Variants in GIGYF2 observed in about 807,000 individuals in gnomAD.
The protein encoded by GIGYF2 is GRB10 interacting GYF protein 2.
A neutral mutation model predicts 208.1 loss-of-function variants in GIGYF2; 25 were observed. The observed-to-expected ratio is 0.12, with a 90% confidence interval of 0.09 to 0.17. GIGYF2 has a LOEUF of 0.17. GIGYF2 is among the 10% of genes least tolerant of loss of function. The pLI, the probability that GIGYF2 is intolerant of heterozygous loss-of-function variation, is 1.00. For synonymous variants in GIGYF2, 534 were observed against 543.8 expected (o/e 0.98, Z 0.25); for missense variants, 1,302 against 1,579.4 (o/e 0.82, Z 2.98).
At chr2:232,756,129 T>G in intron 5 of GIGYF2, 94 bp from the exon 6 acceptor site, 1 of 712,792 alleles carries the variant, frequency 1.4e-6, no homozygotes, top group Non-Finnish European at 2.4e-6. Context: ...GCAGTAGGAA[T>G]GTGGGGAGAA....
chr2:232,811,465 CA>C (rs2106385256), intron 17 of GIGYF2, 114 bp downstream of exon 17: 1 of 727,494 alleles, frequency 1.4e-6, no homozygotes, highest in Non-Finnish European at 2.5e-6. Flanking sequence ...ACTCCCAACA[CA>C]TACCTGCATG....
chr2:232,782,147 T>C (rs1699740697), intron 8 of GIGYF2, among the ~76,000 whole-genome samples: 2 of 152,198 alleles, frequency 1.3e-5, no homozygotes, highest in Non-Finnish European at 2.9e-5. Flanking sequence ...TAATGGTTGC[T>C]AGATGTTTGA....
chr2:232,826,159 A>G (rs774791088), intron 21 of GIGYF2, among the ~76,000 whole-genome samples: 2 of 152,230 alleles, frequency 1.3e-5, no homozygotes. Context: ...GTGGCCGAAT[A>G]AACATGTGTG....
intron 27 of GIGYF2, among the ~76,000 whole-genome samples, chr2:232,849,865 C>G (rs894556325): frequency 2.6e-5 from 4 of 152,148 alleles, no homozygotes; most frequent in Non-Finnish European, 5.9e-5. Context: ...CCTCTCTGTC[C>G]TGGGGCCCAG....
chr2:232,841,136 T>G (rs1186082227), intron 23 of GIGYF2, among the ~76,000 whole-genome samples: 1 of 151,868 alleles, frequency 6.6e-6, no homozygotes, highest in Non-Finnish European at 1.5e-5. Flanking sequence ...TATCAACAAA[T>G]GGATGCAGAA....
At chr2:232,782,568 A>G (rs1265303202) in intron 8 of GIGYF2, 4 of 152,214 alleles carry the variant, frequency 2.6e-5, no homozygotes, top group African/African-American at 9.6e-5. Flanking sequence ...AAGCAGTAGC[A>G]TAAGAGTAAT....
rs1321074618 is a variant in GIGYF2, at chr2:232,788,897, TA to T, written c.712+1571del. Among the ~76,000 whole-genome samples, 4 of 152,126 alleles carry T rather than the reference TA, an allele frequency of 2.6e-5. No homozygotes were observed. In the East Asian group the frequency reaches 7.7e-4, roughly 29 times the overall value. Reference sequence around the variant, plus strand: ...GGGGGATATAAAGATCCCCCAAATATAAAGTTTGGGTCTGAAAAAACAGTGT... The same window carrying T: ...GGGGGATATAAAGATCCCCCAAATATAAGTTTGGGTCTGAAAAAACAGTGT... On this transcript the variant is annotated intron_variant, in intron 9 of 28. Transcript: ENST00000373563.
intron 2 of GIGYF2, among the ~76,000 whole-genome samples, chr2:232,704,383 A>G (rs1036288135): frequency 1.3e-5 from 2 of 152,034 alleles, no homozygotes; most frequent in Admixed American, 6.6e-5. Context: ...ATTCTTGTTG[A>G]AATTTATTAG....
chr2:232,725,121 A>G (rs901728685), intron 2 of GIGYF2, among the ~76,000 whole-genome samples: 2 of 152,176 alleles, frequency 1.3e-5, no homozygotes, highest in African/African-American at 4.8e-5. Context: ...GTTACTCATC[A>G]TCTTACTCTT....
intron 3 of GIGYF2, among the ~76,000 whole-genome samples, chr2:232,737,229 T>G (rs1193926041): frequency 6.6e-6 from 1 of 152,234 alleles, no homozygotes; most frequent in Non-Finnish European, 1.5e-5. Flanking sequence ...ATTGAGCATC[T>G]TTCAATAGTA....
chr2:232,801,941 A>C (rs182118607), intron 14 of GIGYF2, among the ~76,000 whole-genome samples: 1 of 152,122 alleles, frequency 6.6e-6, no homozygotes. Flanking sequence ...TAGGTCTTTA[A>C]TTTCTTTTAG....
chr2:232,798,848 G>T (rs1446253731), intron 14 of GIGYF2, among the ~76,000 whole-genome samples: 1 of 149,922 alleles, frequency 6.7e-6, no homozygotes, highest in African/African-American at 2.5e-5. Flanking sequence ...TACCATCTTA[G>T]CCATTTTTAA....
intron 8 of GIGYF2, among the ~76,000 whole-genome samples, chr2:232,772,806 A>G (rs1023492341): frequency 6.6e-6 from 1 of 152,042 alleles, no homozygotes; most frequent in African/African-American, 2.4e-5. Flanking sequence ...CTGCCTTTTA[A>G]TGGGGCTTGA....
At chr2:232,835,509 T>C (rs930928204) in intron 22 of GIGYF2, among the ~76,000 whole-genome samples, 1 of 152,236 alleles carries the variant, frequency 6.6e-6, no homozygotes, top group African/African-American at 2.4e-5. Flanking sequence ...GTATGGGTTA[T>C]ACTTTCCTGT....
chr2:232,757,275 T>A (rs529518440), intron 6 of GIGYF2, among the ~76,000 whole-genome samples: 18 of 152,222 alleles, frequency 1.2e-4, no homozygotes, highest in Non-Finnish European at 2.4e-4. Flanking sequence ...AAGTGTCTGA[T>A]TAAAAGTCTC....
chr2:232,840,702 T>A (rs1453522787), intron 23 of GIGYF2, among the ~76,000 whole-genome samples: 1 of 152,152 alleles, frequency 6.6e-6, no homozygotes, highest in Non-Finnish European at 1.5e-5. Context: ...TTGATAAGTG[T>A]CAGAGAGGTA....
chr2:232,815,790 A>G, intron 19 of GIGYF2, 53 bp downstream of exon 19: 1 of 921,910 alleles, frequency 1.1e-6, no homozygotes, highest in Non-Finnish European at 1.8e-6. Flanking sequence ...TGCAGGACAT[A>G]AACATTGCTG....
chr2:232,758,270 T>C (rs1698621467), intron 6 of GIGYF2, among the ~76,000 whole-genome samples: 1 of 152,224 alleles, frequency 6.6e-6, no homozygotes, highest in Non-Finnish European at 1.5e-5. Context: ...GATGTGGAAA[T>C]TGACTGATTT....
chr2:232,761,694 A>G (rs1158719495), intron 8 of GIGYF2: 2 of 307,204 alleles, frequency 6.5e-6, no homozygotes, highest in Non-Finnish European at 1.2e-5. Flanking sequence ...GAACCAATCT[A>G]CTAACTCTTT....
Sources: gnomAD v4.1 joint callset for allele counts (sites outside exome capture counted in the v4.1 genomes callset) on GRCh38, gnomAD v4.1.1 for gene constraint, MANE v1.5 for transcripts, NCBI Gene and HGNC (gene_info 2026-07-23, HGNC 2026-07-21) for gene names.